The following TRMT13 variants were observed in gnomAD, a reference collection of about 807,000 sequenced individuals.
TRMT13 encodes tRNA methyltransferase 13.
Under a neutral mutation model 55.9 loss-of-function variants are expected in TRMT13, and 45 were observed. The observed-to-expected ratio is 0.80, with a 90% CI of 0.63 to 1.03. The LOEUF is 1.03. Among genes scored for constraint, TRMT13 ranks in the 50% least tolerant of loss-of-function variants. The pLI, the probability that TRMT13 is intolerant of heterozygous loss-of-function variation, is 0.00. For synonymous variants in TRMT13, 183 were observed against 196.3 expected (o/e 0.93, Z 0.57); for missense variants, 513 against 563.9 (o/e 0.91, Z 0.91).
Position 100,149,530 on chromosome 1 carries a change from C to T in TRMT13, c.*710C>T. On this transcript the variant is annotated 3_prime_UTR_variant, in exon 11 of 11. Coordinates refer to ENST00000370141, the MANE Select transcript of TRMT13 (RefSeq NM_019083.3). The stretch of plus-strand genomic sequence containing the variant: ...AAAAGATACTTACAAACATAATTCA[C>T]AAATTTGAAATAATTTCTGAAGTTG... 1 of 1,233,002 alleles carries T rather than the reference C, an allele frequency of 8.1e-7. No individual in the cohort carries two copies. Among genetic ancestry groups the T allele is most frequent in the South Asian group, 1.6e-5 (1 of 63,868 alleles). 76.4% of individuals were successfully genotyped at this position (1,233,002 alleles called of 1,614,324 possible). A position where few individuals can be genotyped will look rare whatever the true frequency, so the allele number is the denominator to read the frequency against.
At chr1:100,144,276 C>T in intron 9 of TRMT13, 133 bp downstream of exon 9, 1 of 643,266 alleles carries the variant, frequency 1.6e-6, no homozygotes, top group Non-Finnish European at 2.7e-6. Flanking sequence ...GAGCACTGGC[C>T]CTGTGCTTTA....
intron 1 of TRMT13, among the ~76,000 whole-genome samples, chr1:100,135,718 C>G (rs1655745111): frequency 1.3e-5 from 2 of 152,124 alleles, no homozygotes. Context: ...GTGTTCTTAA[C>G]TGTTATATGA....
chr1:100,140,494 A>G lies in TRMT13; in HGVS notation c.481A>G (p.Thr161Ala). The G allele has an allele frequency of 1.2e-6, 2 of 1,613,708 alleles. No individual in the cohort carries two copies. The highest frequency in any genetic ancestry group is 1.3e-5 in the African/African-American group (1 of 75,056). The part of the protein sequence containing the change: ...LNDPKNGDSA[T>A]KHLKQQASIL... ...TGACCCTAAAAATGGCGATTCTGCA[A>G]CCAAGCACCTGAAACAGCAGGTATG... Residue 161 changes from threonine (T) to alanine (A), a missense_variant, in exon 6 of 11, where the codon ACC becomes GCC. By Grantham distance (58) the Thr-to-Ala change is moderately conservative (BLOSUM62 0). Coordinates refer to ENST00000370141, the MANE Select transcript of TRMT13 (RefSeq NM_019083.3).
rs763637129 is a variant in TRMT13 at position 100,140,415 on chromosome 1, T to G, written c.402T>G (p.Asn134Lys). 53 of 1,613,280 alleles carry G rather than the reference T, an allele frequency of 3.3e-5. No individual in the cohort carries two copies. The highest frequency in any genetic ancestry group is 4.3e-5 in the Non-Finnish European group (51 of 1,179,682). Residue 134 changes from asparagine (N) to lysine (K), a missense_variant, in exon 6 of 11, where the codon AAT (asparagine) becomes AAG (lysine). This residue lies in a region of TRMT13 where 298 missense variants were observed against 290.3 expected (regional missense o/e 1.03). Transcript: ENST00000370141. ...TGCTTATATTTGGCACAGGCTTGAA[T>G]TCTACACTTAAAGATCATATTATGT... ...KKLRKASEGL[N>K]STLKDHIMSH...
chr1:100,148,598 T>C (rs1193831232), intron 10 of TRMT13, 27 bp from the exon 11 acceptor site: 1 of 1,575,954 alleles, frequency 6.3e-7, no homozygotes, highest in Non-Finnish European at 8.6e-7. Flanking sequence ...ATTTTAACAA[T>C]GTTTTGTGTG....
intron 7 of TRMT13, among the ~76,000 whole-genome samples, 166 bp downstream of exon 7, chr1:100,141,185 G>A (rs540720560): frequency 1.3e-5 from 2 of 152,152 alleles, no homozygotes; most frequent in Non-Finnish European, 2.9e-5. Context: ...CAAACTGAAG[G>A]TGAATTTTTT....
chr1:100,140,627 A>G, intron 6 of TRMT13, 113 bp downstream of exon 6: 1 of 929,240 alleles, frequency 1.1e-6, no homozygotes, highest in Non-Finnish European at 1.6e-6. Flanking sequence ...GGTACCAAAT[A>G]TTTCCATTTC....
At position 100,144,200 on chromosome 1, in the gene TRMT13, G is replaced by A. The variant is rs1448152343; in HGVS notation, c.817+57G>A. 4 of 1,293,102 alleles carry A rather than the reference G, an allele frequency of 3.1e-6. No homozygotes were observed. In the African/African-American group the frequency reaches 5.9e-5, roughly 19 times the overall value. 80.1% of individuals were successfully genotyped at this position (1,293,102 alleles called of 1,614,324 possible). On this transcript the variant is annotated intron_variant, in intron 9 of 10. Coordinates refer to ENST00000370141, the MANE Select transcript of TRMT13 (RefSeq NM_019083.3). ...ATGCATTAAGTTTTGGCCTAACCTGGCCCCAACCATTTCAGTGGTCTCTTT... is the reference window on the plus strand; with the variant it reads ...ATGCATTAAGTTTTGGCCTAACCTGACCCCAACCATTTCAGTGGTCTCTTT...
chr1:100,140,758 G>C, intron 6 of TRMT13, 94 bp from the exon 7 acceptor site: 1 of 1,214,776 alleles, frequency 8.2e-7, no homozygotes. Context: ...ATCAATGTAA[G>C]CATACTGCCT....
Position 100,133,258 on chromosome 1 carries a change from C to T in TRMT13, c.90C>T (p.Cys30=), listed in dbSNP as rs199663632. The T allele has an allele frequency of 1.9e-6, 3 of 1,614,066 alleles. No homozygotes were observed. The highest frequency in any genetic ancestry group is 2.5e-6 in the Non-Finnish European group (3 of 1,179,978). Reference sequence around the variant, plus strand: ...ATGTGGAAAAGAAGAAACGGTTCTGCAGGATGGTGGTGGCCGCAGGGAAAA... The same window carrying T: ...ATGTGGAAAAGAAGAAACGGTTCTGTAGGATGGTGGTGGCCGCAGGGAAAA... ...GYYVEKKKRF[C]RMVVAAGKRF... The change falls in exon 1 of 11, where the codon TGC becomes TGT. Residue 30 remains cysteine (C), a synonymous_variant. Coordinates refer to ENST00000370141, the MANE Select transcript of TRMT13 (RefSeq NM_019083.3).
At chr1:100,145,957 A>G (rs1420328132) in intron 9 of TRMT13, among the ~76,000 whole-genome samples, 1 of 152,200 alleles carries the variant, frequency 6.6e-6, no homozygotes, top group African/African-American at 2.4e-5. Flanking sequence ...ATATAGTCCA[A>G]ACTCTTTGAC....
chr1:100,141,023 A>G lies in TRMT13; in HGVS notation c.669+4A>G. The G allele has an allele frequency of 6.2e-7, 1 of 1,609,918 alleles. No homozygotes were observed. Among genetic ancestry groups the G allele is most frequent in the Non-Finnish European group, 8.5e-7 (1 of 1,177,922 alleles). On this transcript the variant is annotated splice_donor_region_variant and intron_variant, in intron 7 of 10. Coordinates refer to ENST00000370141, the MANE Select transcript of TRMT13 (RefSeq NM_019083.3). Reference sequence around the variant, plus strand: ...AAAGGTGACCACAAGATTCAAGGTAAGTGAAACCATTGCTCTGTGTTAGTA... The same window carrying G: ...AAAGGTGACCACAAGATTCAAGGTAGGTGAAACCATTGCTCTGTGTTAGTA...
intron 6 of TRMT13, 104 bp downstream of exon 6, chr1:100,140,618 G>T (rs1434548424): frequency 1.1e-5 from 11 of 988,932 alleles, no homozygotes; most frequent in African/African-American, 1.7e-5. Context: ...ACCTTTGAGG[G>T]TACCAAATAT....
chr1:100,138,692 CAG>C (rs1656216122), intron 3 of TRMT13, among the ~76,000 whole-genome samples: 1 of 152,006 alleles, frequency 6.6e-6, no homozygotes, highest in Admixed American at 6.6e-5. Context: ...TTTGTAGAAA[CAG>C]TACTTTTTCA....
At chr1:100,135,419 A>G (rs2101714239) in intron 1 of TRMT13, among the ~76,000 whole-genome samples, 1 of 152,344 alleles carries the variant, frequency 6.6e-6, no homozygotes, top group South Asian at 2.1e-4. Flanking sequence ...CATGAAATTC[A>G]GTGTGAATAG....
intron 10 of TRMT13, 21 bp from the exon 11 acceptor site, chr1:100,148,604 G>A (rs866635006): frequency 6.3e-7 from 1 of 1,584,986 alleles, no homozygotes; most frequent in Non-Finnish European, 8.5e-7. Flanking sequence ...ACAATGTTTT[G>A]TGTGTGTTTA....
chr1:100,139,823 C>A, intron 4 of TRMT13, 112 bp downstream of exon 4: 1 of 698,708 alleles, frequency 1.4e-6, no homozygotes, highest in South Asian at 2.0e-5. Flanking sequence ...ATTTAGAATG[C>A]ATTTTCCTGT....
At chr1:100,136,042 G>A (rs1655808071) in intron 1 of TRMT13, among the ~76,000 whole-genome samples, 1 of 152,170 alleles carries the variant, frequency 6.6e-6, no homozygotes, top group Non-Finnish European at 1.5e-5. Flanking sequence ...TAGATGTACA[G>A]TAGGCTATAC....
chr1:100,133,901 C>T (rs1039285369), intron 1 of TRMT13, among the ~76,000 whole-genome samples: 1 of 151,896 alleles, frequency 6.6e-6, no homozygotes, highest in African/African-American at 2.4e-5. Context: ...AGAAAATCAG[C>T]CGTGGCGCGA....
Sources: allele counts gnomAD v4.1 joint callset (sites outside exome capture counted in the v4.1 genomes callset), GRCh38; gene constraint gnomAD v4.1.1; regional missense constraint gnomAD v4.1.1; transcripts MANE v1.5; gene names NCBI Gene and HGNC (gene_info 2026-07-23, HGNC 2026-07-21).